RBPMS: variants seen among roughly 807,000 people sequenced by gnomAD.
The protein encoded by RBPMS is RNA binding protein, mRNA processing factor, also known as RNA-binding protein with multiple splicing.
A neutral mutation model predicts 26.8 loss-of-function variants in RBPMS; 7 were observed. The ratio of observed to expected loss-of-function variants is 0.26; its 90% CI spans 0.15 to 0.49. The LOEUF (loss-of-function observed/expected upper bound fraction) is 0.49. RBPMS is among the 20% of genes least tolerant of loss of function. RBPMS has a pLI of 0.98. For synonymous variants in RBPMS, 96 were observed against 93.3 expected (o/e 1.03, Z -0.17); for missense variants, 186 against 250.0 (o/e 0.74, Z 1.73).
At chr8:30,498,199 G>A (rs1244262549) in intron 4 of RBPMS, among the ~76,000 whole-genome samples, 1 of 151,916 alleles carries the variant, frequency 6.6e-6, no homozygotes, top group East Asian at 1.9e-4. Context: ...AATCTGATAG[G>A]AAGCTCTTAA....
At chr8:30,464,587 T>C (rs1306320347) in intron 1 of RBPMS, among the ~76,000 whole-genome samples, 1 of 152,218 alleles carries the variant, frequency 6.6e-6, no homozygotes, top group Admixed American at 6.5e-5. Flanking sequence ...CTGGGCAATG[T>C]TGAAACTGTA....
rs138752615 is a variant in RBPMS, at chr8:30,542,800, C to G, written c.398-1694C>G. 1.2e-3 allele frequency among the ~76,000 whole-genome samples: 181 copies of G among 152,340 alleles called. 1 individual carries two copies. Among genetic ancestry groups the G allele is most frequent in the African/African-American group, 4.2e-3 (174 of 41,570 alleles). On this transcript the variant is annotated intron_variant, in intron 5 of 8. Coordinates refer to ENST00000397323, the MANE Select transcript of RBPMS (RefSeq NM_001008710.3). ...TGAGTTACTCTGGAAATCACATGGTCTCATCACAACAGGAAGCACAGGGAT... is the reference window on the plus strand; with the variant it reads ...TGAGTTACTCTGGAAATCACATGGTGTCATCACAACAGGAAGCACAGGGAT...
intron 7 of RBPMS, among the ~76,000 whole-genome samples, chr8:30,559,670 CTACT>C (rs1362586766): frequency 6.6e-6 from 1 of 152,218 alleles, no homozygotes; most frequent in Admixed American, 6.5e-5. Flanking sequence ...TTTGGAGAGT[CTACT>C]TAGAGTTAAG....
At chr8:30,503,561 C>T (rs1820784542) in intron 4 of RBPMS, among the ~76,000 whole-genome samples, 1 of 151,850 alleles carries the variant, frequency 6.6e-6, no homozygotes, top group South Asian at 2.1e-4. Flanking sequence ...GCCCTGCCTG[C>T]TCTTATTTTT....
rs571722082 is a variant in RBPMS, at chr8:30,537,130, A to G, written c.398-7364A>G. On this transcript the variant is annotated intron_variant, in intron 5 of 8. Transcript: ENST00000397323. ...AAGAGTAGGTAATAGTAGTGGCTTAAGTTCCCAGAGGAACAGTTTTCTTCC... is the reference window on the plus strand; with the variant it reads ...AAGAGTAGGTAATAGTAGTGGCTTAGGTTCCCAGAGGAACAGTTTTCTTCC... Among the ~76,000 whole-genome samples the G allele has an allele frequency of 2.6e-5, 4 of 152,350 alleles. No individual in the cohort carries two copies. The South Asian group carries it at 8.3e-4, about 32-fold the overall frequency.
chr8:30,451,807 A>T (rs1814618330), intron 1 of RBPMS, among the ~76,000 whole-genome samples: 1 of 152,152 alleles, frequency 6.6e-6, no homozygotes. Context: ...AATCTCCCAA[A>T]TCTCTCCTAT....
At chr8:30,539,520 G>A (rs1364332092) in intron 5 of RBPMS, among the ~76,000 whole-genome samples, 1 of 151,696 alleles carries the variant, frequency 6.6e-6, no homozygotes, top group Non-Finnish European at 1.5e-5. Flanking sequence ...CCTCAGTCTG[G>A]CTATTTCTTC....
intron 5 of RBPMS, among the ~76,000 whole-genome samples, chr8:30,540,233 T>A (rs1427314648): frequency 1.3e-5 from 2 of 152,016 alleles, no homozygotes; most frequent in Non-Finnish European, 2.9e-5. Flanking sequence ...GGGAGCAGTG[T>A]GTGGGCGAGA....
intron 6 of RBPMS, 42 bp from the exon 7 acceptor site, chr8:30,558,834 ATGGGGATATGC>A: frequency 6.8e-7 from 1 of 1,469,590 alleles, no homozygotes; most frequent in Non-Finnish European, 9.5e-7. Flanking sequence ...CTCCGTGAGA[ATGGGGATATGC>A]TGGGGAGCCC....
intron 5 of RBPMS, among the ~76,000 whole-genome samples, chr8:30,515,295 A>G (rs1214070873): frequency 6.6e-6 from 1 of 152,218 alleles, no homozygotes; most frequent in Non-Finnish European, 1.5e-5. Flanking sequence ...TTAATGGAAC[A>G]TAATAGGAAA....
At chr8:30,387,469 A>G (rs531376925) in intron 1 of RBPMS, 2 of 152,334 alleles carry the variant, frequency 1.3e-5, no homozygotes, top group East Asian at 3.9e-4. Context: ...TGTGCCCGGC[A>G]TTACACAAAA....
intron 1 of RBPMS, among the ~76,000 whole-genome samples, chr8:30,432,672 T>A (rs1253178014): frequency 6.6e-6 from 1 of 152,226 alleles, no homozygotes; most frequent in African/African-American, 2.4e-5. Context: ...CTATGACTAA[T>A]ACATAGTTTA....
rs535907463 is a variant in RBPMS, at chr8:30,572,013, C to A, written c.*1488C>A. On this transcript the variant is annotated 3_prime_UTR_variant, in exon 9 of 9. Coordinates refer to ENST00000397323, the MANE Select transcript of RBPMS (RefSeq NM_001008710.3). ...TAAAGGTCAACACAAAAAACCAAGG[C>A]CAGGAGTGAGGGGCTCTTTCTTACC... 6.6e-6 allele frequency: 1 copy of A among 152,184 alleles called. No individual in the cohort carries two copies. Among genetic ancestry groups the A allele is most frequent in the East Asian group, 1.9e-4 (1 of 5,180 alleles). 9.4% of individuals were successfully genotyped at this position (152,184 alleles called of 1,614,324 possible).
At chr8:30,552,703 C>G (rs1247910252) in intron 6 of RBPMS, 1 of 152,232 alleles carries the variant, frequency 6.6e-6, no homozygotes, top group Non-Finnish European at 1.5e-5. Context: ...AAGTGAACTT[C>G]TGAGATGTCT....
intron 5 of RBPMS, among the ~76,000 whole-genome samples, chr8:30,527,219 A>G (rs979536738): frequency 6.6e-6 from 1 of 152,006 alleles, no homozygotes; most frequent in African/African-American, 2.4e-5. Context: ...CAGACACGCT[A>G]CTCATTCTAT....
At chr8:30,430,043 G>A (rs1488953589) in intron 1 of RBPMS, among the ~76,000 whole-genome samples, 1 of 152,136 alleles carries the variant, frequency 6.6e-6, no homozygotes, top group African/African-American at 2.4e-5. Context: ...TTGGGAAGCC[G>A]AGGCGGGCAG....
intron 1 of RBPMS, among the ~76,000 whole-genome samples, chr8:30,460,233 C>A (rs958058156): frequency 1.1e-4 from 17 of 152,186 alleles, no homozygotes; most frequent in Admixed American, 1.0e-3. Context: ...AATATCTAAA[C>A]TTTAAAATGG....
At position 30,493,934 on chromosome 8, in the gene RBPMS, A is replaced by G. The variant is rs190800024; in HGVS notation, c.247-10352A>G. 3.5e-3 allele frequency among the ~76,000 whole-genome samples: 540 copies of G among 152,318 alleles called. 4 individuals carry two copies. Among genetic ancestry groups the G allele is most frequent in the Middle Eastern group, 0.01 (3 of 294 alleles). ...ATTCTCCTAGGGCATGGTTATATAC[A>G]TAGGGGTGGTTGGCTAACACAAAAA... On this transcript the variant is annotated intron_variant, in intron 4 of 8. Transcript: ENST00000397323.
At chr8:30,443,519 G>C (rs1300289050) in intron 1 of RBPMS, among the ~76,000 whole-genome samples, 3 of 152,102 alleles carry the variant, frequency 2.0e-5, no homozygotes, top group Non-Finnish European at 4.4e-5. Flanking sequence ...AGGGGGAATT[G>C]GGTAGATACA....
Sources: allele counts gnomAD v4.1 joint callset (sites outside exome capture counted in the v4.1 genomes callset), GRCh38; gene constraint gnomAD v4.1.1; transcripts MANE v1.5; gene names NCBI Gene and HGNC (gene_info 2026-07-23, HGNC 2026-07-21).